Variants in PPARG observed in about 807,000 individuals in gnomAD.
The protein encoded by PPARG is peroxisome proliferator-activated receptor gamma.
Under a neutral mutation model 39.2 loss-of-function variants are expected in PPARG, and 17 were observed. That is an observed-to-expected ratio of 0.43 (90% CI 0.30 to 0.65). The LOEUF (loss-of-function observed/expected upper bound fraction) is 0.65. Among genes scored for constraint, PPARG ranks in the 30% least tolerant of loss-of-function variants. PPARG has a pLI of 0.13. For missense variants in PPARG, 406 were observed against 585.9 expected, an observed-to-expected ratio of 0.69 and a Z score of 3.17; for synonymous variants, 223 against 215.7, an observed-to-expected ratio of 1.03 and a Z score of -0.30.
chr3:12,423,615 G>A (rs1432535049), intron 7 of PPARG, among the ~76,000 whole-genome samples: 2 of 152,206 alleles, frequency 1.3e-5, no homozygotes, highest in Non-Finnish European at 2.9e-5. Context: ...TCATCTGCTA[G>A]CATCTACATT....
rs774318435 is a variant in PPARG, at chr3:12,406,154, G to T, written c.729+73G>T. 5 of 1,367,196 alleles carry T rather than the reference G, an allele frequency of 3.7e-6. No homozygotes were observed. The African/African-American group carries it at 5.7e-5, about 16-fold the overall frequency. 84.7% of individuals were successfully genotyped at this position (1,367,196 alleles called of 1,614,324 possible). On this transcript the variant is annotated intron_variant, in intron 6 of 7. Coordinates refer to ENST00000651735, the MANE Select transcript of PPARG (RefSeq NM_138711.6). ...TGGGTTTTTGTTTCTTTGAGTAAAT[G>T]GTTTACTGCGCTACAAATGCACACA...
intron 5 of PPARG, among the ~76,000 whole-genome samples, chr3:12,394,887 G>A (rs113662035): frequency 6.6e-6 from 1 of 152,166 alleles, no homozygotes; most frequent in Non-Finnish European, 1.5e-5. Context: ...ATCAAAAGAG[G>A]CTCTGAGTGT....
intron 2 of PPARG, among the ~76,000 whole-genome samples, chr3:12,353,696 A>G (rs747854363): frequency 1.3e-5 from 2 of 152,244 alleles, no homozygotes; most frequent in Admixed American, 1.3e-4. Flanking sequence ...CTTAGCCACT[A>G]TGCCCAAAGA....
At chr3:12,359,371 C>A (rs2048764556) in intron 2 of PPARG, among the ~76,000 whole-genome samples, 1 of 152,014 alleles carries the variant, frequency 6.6e-6, no homozygotes. Context: ...TTCTAAGAAG[C>A]AAGGTTTATA....
At chr3:12,301,312 C>T (rs562413110) in intron 1 of PPARG, among the ~76,000 whole-genome samples, 1 of 152,216 alleles carries the variant, frequency 6.6e-6, no homozygotes, top group East Asian at 1.9e-4. Flanking sequence ...TACAATAATG[C>T]CCAGTACAAA....
intron 2 of PPARG, among the ~76,000 whole-genome samples, chr3:12,378,808 T>G (rs1338147819): frequency 3.3e-5 from 5 of 152,158 alleles, no homozygotes; most frequent in African/African-American, 9.7e-5. Context: ...ATGGTATATT[T>G]GAAATTTGCT....
chr3:12,374,042 G>A (rs924970006), intron 2 of PPARG, among the ~76,000 whole-genome samples: 22 of 152,114 alleles, frequency 1.4e-4, no homozygotes, highest in African/African-American at 5.3e-4. Flanking sequence ...GAATGGGAGC[G>A]AGGTCTGGGA....
intron 5 of PPARG, among the ~76,000 whole-genome samples, chr3:12,393,121 A>G (rs906838429): frequency 3.3e-5 from 5 of 151,966 alleles, no homozygotes; most frequent in Non-Finnish European, 5.9e-5. Context: ...TCTGCTTTAA[A>G]TGTAAGAAAA....
At chr3:12,306,426 GAAGA>G (rs556630432) in intron 1 of PPARG, among the ~76,000 whole-genome samples, 118 of 152,252 alleles carry the variant, frequency 7.8e-4, no homozygotes, top group African/African-American at 2.7e-3. Context: ...AAAGTCAGAT[GAAGA>G]AACAGGAACA....
chr3:12,302,528 G>C (rs1447418745), intron 1 of PPARG, among the ~76,000 whole-genome samples: 1 of 150,728 alleles, frequency 6.6e-6, no homozygotes, highest in Non-Finnish European at 1.5e-5. Context: ...CTCAAATTAA[G>C]AAAAAAAAAG....
chr3:12,427,385 A>G (rs561978299), intron 7 of PPARG, among the ~76,000 whole-genome samples: 1 of 152,200 alleles, frequency 6.6e-6, no homozygotes, highest in African/African-American at 2.4e-5. Context: ...ATCAGGCATT[A>G]TTTTTCTTGA....
intron 1 of PPARG, among the ~76,000 whole-genome samples, chr3:12,306,820 G>A (rs2124973748): frequency 6.6e-6 from 1 of 152,216 alleles, no homozygotes; most frequent in African/African-American, 2.4e-5. Flanking sequence ...CGCTGGGCCG[G>A]GCGCGGTGGC....
At chr3:12,391,991 G>A (rs529600635) in intron 4 of PPARG, among the ~76,000 whole-genome samples, 45 of 152,204 alleles carry the variant, frequency 3.0e-4, no homozygotes, top group African/African-American at 1.1e-3. Context: ...GATAGCAGTC[G>A]ATTTTGTGAG....
At chr3:12,416,664 A>C in intron 6 of PPARG, 40 bp from the exon 7 acceptor site, 1 of 1,578,928 alleles carries the variant, frequency 6.3e-7, no homozygotes, top group South Asian at 1.1e-5. Flanking sequence ...GTGAGTTAGA[A>C]ATCTCCAAGT....
At position 12,337,756 on chromosome 3, in the gene PPARG, G is replaced by A. The variant is rs182191739; in HGVS notation, c.-9+25303G>A. Reference sequence around the variant, plus strand: ...GGATTCAACCAACTATGGATCAAAAGTATTTTTTAAAAATAAATAAAAATA... The same window carrying A: ...GGATTCAACCAACTATGGATCAAAAATATTTTTTAAAAATAAATAAAAATA... On this transcript the variant is annotated intron_variant, in intron 2 of 7. Transcript: ENST00000651735. Among the ~76,000 whole-genome samples the A allele has an allele frequency of 4.6e-3, 697 of 152,018 alleles. 7 individuals carry two copies. Among genetic ancestry groups the A allele is most frequent in the Non-Finnish European group, 5.0e-3 (342 of 67,974 alleles).
intron 4 of PPARG, among the ~76,000 whole-genome samples, chr3:12,385,715 C>T (rs2049845661): frequency 6.6e-6 from 1 of 152,128 alleles, no homozygotes; most frequent in Admixed American, 6.6e-5. Context: ...TTGTTAGCCA[C>T]TTGTATGTCT....
At chr3:12,300,684 C>T (rs1275694723) in intron 1 of PPARG, among the ~76,000 whole-genome samples, 2 of 151,854 alleles carry the variant, frequency 1.3e-5, no homozygotes, top group East Asian at 1.9e-4. Context: ...GGCAGATCTA[C>T]TCTGAAATGG....
At chr3:12,313,516 G>A (rs1173570229) in intron 2 of PPARG, among the ~76,000 whole-genome samples, 1 of 152,196 alleles carries the variant, frequency 6.6e-6, no homozygotes, top group Non-Finnish European at 1.5e-5. Flanking sequence ...TGCTCAACAA[G>A]TAAGTGTTAA....
In PPARG at chr3:12,314,467, A is replaced by C. The variant is rs567876739; in HGVS notation, c.-9+2014A>C. On this transcript the variant is annotated intron_variant, in intron 2 of 7. Coordinates refer to ENST00000651735, the MANE Select transcript of PPARG (RefSeq NM_138711.6). ...CAAGGTCAATATCAAGGATAGTAAG[A>C]CATAGTGAGCTCATATGCCCCTGAT... is the stretch of plus-strand genomic sequence containing the variant. Among the ~76,000 whole-genome samples, 8 of 152,296 alleles carry C rather than the reference A, an allele frequency of 5.3e-5. No individual in the cohort carries two copies. In the East Asian group the frequency reaches 1.5e-3, roughly 29 times the overall value.
Sources: gnomAD v4.1 joint callset for allele counts (sites outside exome capture counted in the v4.1 genomes callset) on GRCh38, gnomAD v4.1.1 for gene constraint, MANE v1.5 for transcripts, NCBI Gene and HGNC (gene_info 2026-07-23, HGNC 2026-07-21) for gene names.